KDM7A: variants seen among roughly 807,000 people sequenced by gnomAD.
KDM7A encodes lysine demethylase 7A.
Under a neutral mutation model 114.8 loss-of-function variants are expected in KDM7A, and 28 were observed. The observed-to-expected ratio is 0.24, with a 90% CI of 0.18 to 0.33. The LOEUF (loss-of-function observed/expected upper bound fraction) is 0.33, where lower values mean the gene tolerates loss of function less well. Among genes scored for constraint, KDM7A ranks in the 10% least tolerant of loss-of-function variants. The probability of loss-of-function intolerance (pLI) is 1.00; values close to 1 mark genes in which losing one functional copy is unlikely to be tolerated. For synonymous variants in KDM7A, 423 were observed against 397.8 expected (o/e 1.06, Z -0.75); for missense variants, 942 against 1,142.5 (o/e 0.82, Z 2.53).
chr7:140,125,259 T>C (rs912726293), intron 6 of KDM7A, among the ~76,000 whole-genome samples: 1 of 152,166 alleles, frequency 6.6e-6, no homozygotes, highest in Non-Finnish European at 1.5e-5. Context: ...CAGCAACAAA[T>C]ATAGCCCAGA....
At position 140,099,994 on chromosome 7, in the gene KDM7A, T is replaced by C; in HGVS notation, c.1668A>G (p.Lys556=). 2 of 1,614,086 alleles carry C rather than the reference T, an allele frequency of 1.2e-6. No homozygotes were observed. Among genetic ancestry groups the C allele is most frequent in the Non-Finnish European group, 1.7e-6 (2 of 1,179,900 alleles). The change falls in exon 13 of 20, where the codon AAA becomes AAG. Residue 556 remains lysine, a synonymous_variant. Transcript: ENST00000397560. ...EDILSSKLNG[K]FNKHLQPSST... is the part of the protein sequence containing the mutation. ...AGGATGGTTGGAGATGTTTGTTGAA[T>C]TTTCCATTCAGTTTAGAGCTCAAGA...
intron 1 of KDM7A, among the ~76,000 whole-genome samples, chr7:140,146,144 A>C (rs1226022213): frequency 6.6e-6 from 1 of 152,234 alleles, no homozygotes; most frequent in Non-Finnish European, 1.5e-5. Context: ...ACACAACAGT[A>C]AATTTGATAT....
chr7:140,119,202 T>C lies in KDM7A; in HGVS notation c.1157A>G (p.Lys386Arg). 1 of 1,602,524 alleles carries C rather than the reference T, an allele frequency of 6.2e-7. No homozygotes were observed. The highest frequency in any genetic ancestry group is 8.5e-7 in the Non-Finnish European group (1 of 1,171,680). ...GMQLRCYEME[K>R]RLKTPDLFKF... The stretch of plus-strand genomic sequence containing the variant: ...GAAAAGATCTGGTGTTTTTAGCCTT[T>C]TCTCCATCTCATAACACCTAAATGA... The change falls in exon 9 of 20, where the codon AAA becomes AGA. Residue 386 changes from lysine (K) to arginine (R), a missense_variant. Coordinates refer to ENST00000397560, the MANE Select transcript of KDM7A (RefSeq NM_030647.2).
At chr7:140,115,541 A>G (rs1376171453) in intron 9 of KDM7A, among the ~76,000 whole-genome samples, 3 of 152,176 alleles carry the variant, frequency 2.0e-5, no homozygotes, top group Non-Finnish European at 4.4e-5. Context: ...ACTCAGGGTT[A>G]AATGGATTAA....
intron 1 of KDM7A, among the ~76,000 whole-genome samples, chr7:140,148,289 T>C (rs1794361788): frequency 6.6e-6 from 1 of 151,738 alleles, no homozygotes; most frequent in Non-Finnish European, 1.5e-5. Flanking sequence ...TTGAGAAAAA[T>C]CTCTCTCTCT....
chr7:140,124,226 C>T (rs866004357), intron 7 of KDM7A, among the ~76,000 whole-genome samples: 12 of 151,426 alleles, frequency 7.9e-5, no homozygotes, highest in Non-Finnish European at 1.2e-4. Context: ...TCAGTGGAGG[C>T]GGGAATGGGA....
chr7:140,104,164 T>C (rs1254495112), intron 11 of KDM7A, among the ~76,000 whole-genome samples: 1 of 152,190 alleles, frequency 6.6e-6, no homozygotes, highest in East Asian at 1.9e-4. Flanking sequence ...GGTTGTTTGA[T>C]TTTTTCTCGT....
intron 9 of KDM7A, among the ~76,000 whole-genome samples, chr7:140,117,962 G>A (rs1818558817): frequency 1.3e-5 from 2 of 152,190 alleles, no homozygotes; most frequent in African/African-American, 4.8e-5. Flanking sequence ...GAGGTGGGGG[G>A]TTTAGGGTAC....
chr7:140,104,480 T>G (rs758994691), intron 11 of KDM7A, among the ~76,000 whole-genome samples: 1 of 152,248 alleles, frequency 6.6e-6, no homozygotes, highest in Non-Finnish European at 1.5e-5. Flanking sequence ...AACTAATTTT[T>G]GCATAAGGTG....
chr7:140,126,757 T>C lies in KDM7A; in HGVS notation c.768A>G (p.Pro256=), dbSNP rs1406510223. The C allele has an allele frequency of 1.9e-6, 3 of 1,614,124 alleles. No homozygotes were observed. In the Admixed American group the frequency reaches 5.0e-5, roughly 27 times the overall value. ...KKLSWVENYW[P]DDSVFPKPFV... Reference sequence around the variant, plus strand: ...ATGGCTTGGGAAAGACTGAATCATCTGGCCAATAATTTTCCACCCAGGAAA... The same window carrying C: ...ATGGCTTGGGAAAGACTGAATCATCCGGCCAATAATTTTCCACCCAGGAAA... Residue 256 remains proline, a synonymous_variant, in exon 6 of 20, where the codon CCA becomes CCG. Transcript: ENST00000397560.
At chr7:140,101,698 G>A (rs1298241735) in intron 12 of KDM7A, among the ~76,000 whole-genome samples, 1 of 152,140 alleles carries the variant, frequency 6.6e-6, no homozygotes, top group African/African-American at 2.4e-5. Flanking sequence ...GAGCCTAGAA[G>A]AGGAAATGGT....
At chr7:140,148,516 G>C (rs1794366771) in intron 1 of KDM7A, among the ~76,000 whole-genome samples, 1 of 152,084 alleles carries the variant, frequency 6.6e-6, no homozygotes, top group Non-Finnish European at 1.5e-5. Context: ...TAGAACAATG[G>C]TTTTGTTGTC....
chr7:140,176,488 G>A lies in KDM7A; in HGVS notation c.194+256C>T, dbSNP rs1794710071. On this transcript the variant is annotated intron_variant, in intron 1 of 19. Coordinates refer to ENST00000397560, the MANE Select transcript of KDM7A (RefSeq NM_030647.2). This position sits in a 1 kb window ranked among gnomAD's most constrained non-coding sequence, Gnocchi z 4.4. The stretch of plus-strand genomic sequence containing the variant: ...GCTCCCCCTGCCAACTTATCCGCCG[G>A]CCCTCTTTGTTCGTGTTTGTTGTGG... Among the ~76,000 whole-genome samples the A allele has an allele frequency of 6.8e-6, 1 of 146,754 alleles. No individual in the cohort carries two copies. The highest frequency in any genetic ancestry group is 6.8e-5 in the Admixed American group (1 of 14,808).
intron 6 of KDM7A, 116 bp downstream of exon 6, chr7:140,126,521 A>C (rs1818706274): frequency 1.7e-6 from 1 of 579,154 alleles, no homozygotes; most frequent in African/African-American, 1.9e-5. Context: ...AAAAGTAAAA[A>C]AAAAAAAAAA....
chr7:140,133,814 T>C (rs1818828694), intron 2 of KDM7A, among the ~76,000 whole-genome samples, 158 bp from the exon 3 acceptor site: 1 of 152,254 alleles, frequency 6.6e-6, no homozygotes, highest in African/African-American at 2.4e-5. Flanking sequence ...TTTTGCTTAA[T>C]GTAATGCTGC....
Position 140,096,947 on chromosome 7 carries a change from A to T in KDM7A, c.2117T>A (p.Phe706Tyr). ...FKEESNVMRN[F>Y]LQKSQKPSRS... is the part of the protein sequence containing the mutation. ...AGATGGCTTCTGGCTCTTTTGAAGG[A>T]AGTTCCTCATCACATTAGATTCCTC... The change falls in exon 16 of 20, where the codon TTC becomes TAC. Residue 706 changes from phenylalanine (F) to tyrosine (Y), a missense_variant. By Grantham distance (22) the Phe-to-Tyr change is conservative (BLOSUM62 3). Transcript: ENST00000397560. The T allele has an allele frequency of 6.2e-7, 1 of 1,613,870 alleles. No individual in the cohort carries two copies. The highest frequency in any genetic ancestry group is 8.5e-7 in the Non-Finnish European group (1 of 1,179,846).
At chr7:140,122,310 C>T (rs1409223652) in intron 7 of KDM7A, among the ~76,000 whole-genome samples, 2 of 151,408 alleles carry the variant, frequency 1.3e-5, no homozygotes, top group South Asian at 2.2e-4. Flanking sequence ...CTAGTTAGGA[C>T]ATTAAATCAA....
At chr7:140,165,175 C>T (rs1393793841) in intron 1 of KDM7A, among the ~76,000 whole-genome samples, 2 of 152,208 alleles carry the variant, frequency 1.3e-5, no homozygotes. Flanking sequence ...ATGCCTGGAT[C>T]ATTAATGCTC....
intron 4 of KDM7A, 130 bp downstream of exon 4, chr7:140,129,363 G>A: frequency 1.4e-6 from 1 of 734,866 alleles, no homozygotes; most frequent in Middle Eastern, 3.2e-4. Flanking sequence ...CAATATAGAT[G>A]ATACTGAGCC....
Sources: gnomAD v4.1 joint callset for allele counts (sites outside exome capture counted in the v4.1 genomes callset) on GRCh38, gnomAD v4.1.1 for gene constraint, Gnocchi (gnomAD v3.1) non-coding constraint, MANE v1.5 for transcripts, NCBI Gene and HGNC (gene_info 2026-07-23, HGNC 2026-07-21) for gene names.